SEPTIN7: variants seen among roughly 807,000 people sequenced by gnomAD.
SEPTIN7 encodes septin 7, also known as septin-7.
SEPTIN7 carries 10 observed loss-of-function variants against 63.3 expected under a neutral mutation model. The observed-to-expected ratio is 0.16, with a 90% CI of 0.10 to 0.27. The LOEUF is 0.27. Among genes scored for constraint, SEPTIN7 ranks in the 10% least tolerant of loss-of-function variants. The pLI is 1.00. For missense variants in SEPTIN7, 310 were observed against 521.0 expected (o/e 0.59, Z 3.94); for synonymous variants, 131 against 165.3 (o/e 0.79, Z 1.59).
At chr7:35,863,302 T>TA (rs1785615001) in intron 3 of SEPTIN7, among the ~76,000 whole-genome samples, 1 of 152,166 alleles carries the variant, frequency 6.6e-6, no homozygotes, top group Admixed American at 6.5e-5. Flanking sequence ...GATTATTAGA[T>TA]ACATTACTTT....
intron 11 of SEPTIN7, among the ~76,000 whole-genome samples, chr7:35,896,786 T>C (rs1353018473): frequency 6.6e-6 from 1 of 152,258 alleles, no homozygotes; most frequent in Non-Finnish European, 1.5e-5. Flanking sequence ...ATGTAGAAGT[T>C]TTCTTTTAGT....
intron 4 of SEPTIN7, among the ~76,000 whole-genome samples, chr7:35,867,664 T>G (rs1304055988): frequency 6.6e-6 from 1 of 152,210 alleles, no homozygotes; most frequent in Non-Finnish European, 1.5e-5. Context: ...TTTGAAAATT[T>G]TTAAATCATA....
intron 11 of SEPTIN7, among the ~76,000 whole-genome samples, chr7:35,892,007 T>A (rs1787679141): frequency 6.6e-6 from 1 of 152,184 alleles, no homozygotes; most frequent in Non-Finnish European, 1.5e-5. Flanking sequence ...GTCAAGATCA[T>A]CAAGATGCCA....
At chr7:35,889,271 G>A (rs1787487261) in intron 10 of SEPTIN7, among the ~76,000 whole-genome samples, 3 of 152,314 alleles carry the variant, frequency 2.0e-5, no homozygotes, top group Admixed American at 6.5e-5. Context: ...TGCCTGAAGT[G>A]GAGTGGTAGA....
intron 1 of SEPTIN7, among the ~76,000 whole-genome samples, chr7:35,823,553 C>A (rs1346779360): frequency 6.6e-6 from 1 of 152,186 alleles, no homozygotes; most frequent in Non-Finnish European, 1.5e-5. Context: ...TTGATCCTCT[C>A]CATTTTCATT....
At chr7:35,821,283 C>G (rs1391255111) in intron 1 of SEPTIN7, among the ~76,000 whole-genome samples, 1 of 152,146 alleles carries the variant, frequency 6.6e-6, no homozygotes, top group African/African-American at 2.4e-5. Flanking sequence ...TTGATTTGAA[C>G]AGTTTGTGTC....
At chr7:35,832,303 A>T (rs1299402873) in intron 2 of SEPTIN7, among the ~76,000 whole-genome samples, 2 of 152,090 alleles carry the variant, frequency 1.3e-5, no homozygotes, top group East Asian at 1.9e-4. Context: ...TTTATTTTTT[A>T]AAATTGCTTT....
chr7:35,811,778 CTT>C (rs777206315), intron 1 of SEPTIN7, among the ~76,000 whole-genome samples: 5 of 151,900 alleles, frequency 3.3e-5, no homozygotes, highest in African/African-American at 4.8e-5. Flanking sequence ...AATCCCAGCA[CTT>C]CGGGAGGCCG....
chr7:35,895,481 A>T (rs115372217), intron 11 of SEPTIN7, among the ~76,000 whole-genome samples: 2,252 of 152,302 alleles, frequency 0.015, 51 homozygotes, highest in African/African-American at 0.05. Context: ...ATAATTGCAA[A>T]TTTCTTTTAG....
At chr7:35,912,042 CTCCTGAGA>C (rs1788750548), downstream of SEPTIN7, among the ~76,000 whole-genome samples, 1 of 152,180 alleles carries the variant, frequency 6.6e-6, no homozygotes. Flanking sequence ...TGGATCCTGA[CTCCTGAGA>C]GAAGTAGCTC....
At chr7:35,865,471 T>C (rs77622189) in intron 4 of SEPTIN7, among the ~76,000 whole-genome samples, 1 of 152,170 alleles carries the variant, frequency 6.6e-6, no homozygotes, top group Admixed American at 6.5e-5. Flanking sequence ...GTAGTTCTTT[T>C]TCATCGTCAT....
chr7:35,823,222 A>G (rs1783319776), intron 1 of SEPTIN7, among the ~76,000 whole-genome samples: 2 of 152,108 alleles, frequency 1.3e-5, no homozygotes, highest in African/African-American at 4.8e-5. Flanking sequence ...TTTTTTCGAG[A>G]CAGAGTTTCG....
chr7:35,906,253 A>G lies in SEPTIN7; in HGVS notation c.*1960A>G, dbSNP rs1788603654. 6.6e-6 allele frequency: 1 copy of G among 152,234 alleles called. No homozygotes were observed. The highest frequency in any genetic ancestry group is 1.5e-5 in the Non-Finnish European group (1 of 68,034). The allele number at this position is 152,234 out of a possible 1,614,324, so 9.4% of individuals were successfully genotyped here. On this transcript the variant is annotated 3_prime_UTR_variant, in exon 14 of 14. Coordinates refer to ENST00000350320, the MANE Select transcript of SEPTIN7 (RefSeq NM_001788.6). The stretch of plus-strand genomic sequence containing the variant: ...AAGACATTCATTATTCTACCATCCT[A>G]ATGAAAACTTTCAGAAGTCTTTCTT...
chr7:35,830,885 T>A (rs2115875879), intron 1 of SEPTIN7, among the ~76,000 whole-genome samples: 1 of 152,294 alleles, frequency 6.6e-6, no homozygotes, highest in Non-Finnish European at 1.5e-5. Flanking sequence ...TCCTTCCTTT[T>A]CCTGTATCTA....
At chr7:35,885,390 A>G (rs1442796918) in intron 9 of SEPTIN7, among the ~76,000 whole-genome samples, 1 of 152,120 alleles carries the variant, frequency 6.6e-6, no homozygotes, top group South Asian at 2.1e-4. Flanking sequence ...CCTATTTGTG[A>G]TACATTCTTT....
chr7:35,826,963 T>C (rs1365937610), intron 1 of SEPTIN7, among the ~76,000 whole-genome samples: 3 of 152,184 alleles, frequency 2.0e-5, no homozygotes, highest in Admixed American at 6.5e-5. Flanking sequence ...AGCGTGCTGT[T>C]ACTTGAATAT....
At chr7:35,833,900 GT>G (rs1464730780) in intron 3 of SEPTIN7, among the ~76,000 whole-genome samples, 1 of 151,984 alleles carries the variant, frequency 6.6e-6, no homozygotes, top group Non-Finnish European at 1.5e-5. Flanking sequence ...CTGTTGGTCA[GT>G]TTTTGGCTCT....
intron 3 of SEPTIN7, among the ~76,000 whole-genome samples, chr7:35,860,369 A>C (rs1045004921): frequency 1.3e-5 from 2 of 152,194 alleles, no homozygotes; most frequent in Non-Finnish European, 1.5e-5. Context: ...AGAAAATATA[A>C]GGTGAACTTG....
At chr7:35,893,615 A>AAG (rs775185338) in intron 11 of SEPTIN7, among the ~76,000 whole-genome samples, 2 of 152,180 alleles carry the variant, frequency 1.3e-5, no homozygotes, top group Non-Finnish European at 2.9e-5. Flanking sequence ...CCCCGTTGTT[A>AAG]AGCAGTGCAT....
Sources: gnomAD v4.1 joint callset for allele counts (sites outside exome capture counted in the v4.1 genomes callset) on GRCh38, gnomAD v4.1.1 for gene constraint, MANE v1.5 for transcripts, NCBI Gene and HGNC (gene_info 2026-07-23, HGNC 2026-07-21) for gene names.